The following TMEFF1 variants were observed in gnomAD, a reference collection of about 807,000 sequenced individuals.
TMEFF1 encodes the protein transmembrane protein with EGF like and two follistatin like domains 1.
Under a neutral mutation model 47.5 loss-of-function variants are expected in TMEFF1, and 20 were observed. The observed-to-expected ratio is 0.42, with a 90% confidence interval of 0.30 to 0.61. The LOEUF is 0.61. Ranked by LOEUF, TMEFF1 falls within the 20% of genes least tolerant of loss-of-function variation. The pLI is 0.19. For missense variants in TMEFF1, 411 were observed against 471.1 expected (o/e 0.87, Z 1.18); for synonymous variants, 162 against 166.3 (o/e 0.97, Z 0.20).
In TMEFF1 at chr9:100,568,857, G is replaced by A. The variant is rs570909210; in HGVS notation, c.900-3661G>A. On this transcript the variant is annotated intron_variant, in intron 8 of 9. Transcript: ENST00000374879. ...CCTGTGTCTAGCTTTTTTTAACTTA[G>A]CGTAATATTTTCCAGGTTCATCCAT... is the stretch of plus-strand genomic sequence containing the variant. 2.6e-5 allele frequency among the ~76,000 whole-genome samples: 4 copies of A among 152,046 alleles called. No homozygotes were observed. In the South Asian group the frequency reaches 8.3e-4, roughly 32 times the overall value.
chr9:100,532,302 G>A (rs200282960), intron 5 of TMEFF1, among the ~76,000 whole-genome samples: 6,643 of 152,140 alleles, frequency 0.044, 316 homozygotes, highest in South Asian at 0.22. Context: ...GAGTGAACAG[G>A]CAACCTACAA....
At chr9:100,490,931 A>G (rs79369737) in intron 1 of TMEFF1, among the ~76,000 whole-genome samples, 2,235 of 150,648 alleles carry the variant, frequency 0.015, 53 homozygotes, top group African/African-American at 0.051. Flanking sequence ...GTCCCGGCTG[A>G]TCTTCAACTC....
intron 8 of TMEFF1, among the ~76,000 whole-genome samples, chr9:100,564,900 C>A (rs941688083): frequency 1.2e-4 from 18 of 152,086 alleles, no homozygotes; most frequent in Non-Finnish European, 1.5e-5. Flanking sequence ...TGTTGGTGAC[C>A]GACCTGTTAG....
chr9:100,497,955 A>G (rs1246830857), intron 1 of TMEFF1, among the ~76,000 whole-genome samples: 1 of 151,588 alleles, frequency 6.6e-6, no homozygotes, highest in African/African-American at 2.4e-5. Flanking sequence ...TTGTTTGCCT[A>G]AGTGCATTTG....
chr9:100,544,799 CAGGCATT>C (rs1838700863), intron 5 of TMEFF1, among the ~76,000 whole-genome samples: 1 of 152,262 alleles, frequency 6.6e-6, no homozygotes, highest in Non-Finnish European at 1.5e-5. Context: ...AAAGGGAGTA[CAGGCATT>C]GGGTAAGTAC....
chr9:100,531,886 A>C (rs2118452867), intron 5 of TMEFF1, among the ~76,000 whole-genome samples: 1 of 151,372 alleles, frequency 6.6e-6, no homozygotes, highest in South Asian at 2.1e-4. Flanking sequence ...CTGGTACCAA[A>C]ACAGAGATAT....
chr9:100,560,159 A>G (rs1022055708), intron 7 of TMEFF1, among the ~76,000 whole-genome samples: 2 of 151,912 alleles, frequency 1.3e-5, no homozygotes, highest in African/African-American at 4.8e-5. Context: ...TTTTATTTGT[A>G]TTTTGGGGAG....
At position 100,473,600 on chromosome 9, in the gene TMEFF1, C is replaced by A; in HGVS notation, c.56C>A (p.Ala19Asp). 1 of 1,556,860 alleles carries A rather than the reference C, an allele frequency of 6.4e-7. No homozygotes were observed. The highest frequency in any genetic ancestry group is 1.9e-5 in the Admixed American group (1 of 52,442). The change falls in exon 1 of 10, where the codon GCC becomes GAC. Residue 19 changes from alanine to aspartate, a missense_variant. Transcript: ENST00000374879. This position sits in a 1 kb window ranked among gnomAD's most constrained non-coding sequence, Gnocchi z 5.4. ...CGGCTGCCTGCCGCGCCTCCGCTCG[C>A]CTTCTGCTGCTACACGTCGGTGCTT... The part of the protein sequence containing the change: ...PLRLPAAPPL[A>D]FCCYTSVLLL...
intron 5 of TMEFF1, among the ~76,000 whole-genome samples, chr9:100,528,057 A>C (rs1371015162): frequency 6.6e-6 from 1 of 151,892 alleles, no homozygotes; most frequent in East Asian, 1.9e-4. Context: ...AAACTAACAA[A>C]CAGAAAGGAC....
chr9:100,525,931 T>C (rs1296785420), intron 5 of TMEFF1, among the ~76,000 whole-genome samples: 1 of 152,242 alleles, frequency 6.6e-6, no homozygotes, highest in East Asian at 1.9e-4. Context: ...TATAGGGTAC[T>C]GTATTTCTTC....
At position 100,502,650 on chromosome 9, in the gene TMEFF1, C is replaced by T. The variant is rs1837786102; in HGVS notation, c.306+3776C>T. On this transcript the variant is annotated intron_variant, in intron 2 of 9. Transcript: ENST00000374879. ...GTGCTGGGATTACGGGTATGAGCTG[C>T]TATGCCCAGCCCTGCTTTTCTTCAT... Among the ~76,000 whole-genome samples the T allele has an allele frequency of 2.0e-5, 3 of 152,218 alleles. No individual in the cohort carries two copies. The South Asian group carries it at 6.2e-4, about 32-fold the overall frequency.
intron 8 of TMEFF1, among the ~76,000 whole-genome samples, chr9:100,565,534 G>A (rs1839110280): frequency 1.3e-5 from 2 of 152,078 alleles, no homozygotes; most frequent in Non-Finnish European, 1.5e-5. Context: ...CCTTTATGCT[G>A]CCCTGGCAGT....
intron 5 of TMEFF1, among the ~76,000 whole-genome samples, chr9:100,531,817 A>G (rs954307603): frequency 4.1e-4 from 63 of 152,224 alleles, no homozygotes; most frequent in African/African-American, 1.5e-3. Flanking sequence ...TGGTGGAGGC[A>G]TCACACTACC....
chr9:100,499,323 C>T (rs1168681277), intron 2 of TMEFF1, among the ~76,000 whole-genome samples: 1 of 152,004 alleles, frequency 6.6e-6, no homozygotes, highest in Non-Finnish European at 1.5e-5. Flanking sequence ...GGTTAGAGCT[C>T]GAATAGCAAG....
chr9:100,539,330 C>T (rs1176499267), intron 5 of TMEFF1, among the ~76,000 whole-genome samples: 4 of 152,112 alleles, frequency 2.6e-5, no homozygotes, highest in Non-Finnish European at 5.9e-5. Flanking sequence ...CTACTGTGTC[C>T]GGAATTGGTG....
chr9:100,496,895 G>C (rs1049935662), intron 1 of TMEFF1, among the ~76,000 whole-genome samples: 31 of 152,192 alleles, frequency 2.0e-4, no homozygotes, highest in African/African-American at 7.0e-4. Flanking sequence ...TAGTCAAATT[G>C]TGCAGTTCTT....
chr9:100,526,533 C>T (rs1838255164), intron 5 of TMEFF1, among the ~76,000 whole-genome samples: 1 of 151,766 alleles, frequency 6.6e-6, no homozygotes, highest in Non-Finnish European at 1.5e-5. Flanking sequence ...TTTTTAATTT[C>T]CAGGAGCTCA....
intron 1 of TMEFF1, among the ~76,000 whole-genome samples, chr9:100,496,187 A>G (rs1837646125): frequency 6.6e-6 from 1 of 152,180 alleles, no homozygotes; most frequent in African/African-American, 2.4e-5. Context: ...GAGCAAACCA[A>G]GTCTTTAGAA....
intron 7 of TMEFF1, among the ~76,000 whole-genome samples, chr9:100,559,560 G>A (rs1201998038): frequency 6.6e-6 from 1 of 152,010 alleles, no homozygotes; most frequent in Non-Finnish European, 1.5e-5. Flanking sequence ...AATATTGGTA[G>A]TATGTGAAAA....
Sources: allele counts gnomAD v4.1 joint callset (sites outside exome capture counted in the v4.1 genomes callset), GRCh38; gene constraint gnomAD v4.1.1; non-coding constraint Gnocchi (gnomAD v3.1); transcripts MANE v1.5; gene names NCBI Gene and HGNC (gene_info 2026-07-23, HGNC 2026-07-21).